VPS13B: variants seen among roughly 807,000 people sequenced by gnomAD.
VPS13B encodes vacuolar protein sorting 13 homolog B, also known as intermembrane lipid transfer protein VPS13B.
In VPS13B, 285 loss-of-function variants were observed where a neutral mutation model predicts 426.4. That is an observed-to-expected ratio of 0.67 (90% CI 0.61 to 0.74). The LOEUF (loss-of-function observed/expected upper bound fraction) is 0.74. VPS13B is among the 30% of genes least tolerant of loss of function. The pLI, the probability that VPS13B is intolerant of heterozygous loss-of-function variation, is 0.00. For missense variants in VPS13B, 4,537 were observed against 4,782.6 expected (o/e 0.95, Z 1.51); for synonymous variants, 1,676 against 1,676.4 (o/e 1.00, Z 0.01).
At chr8:99,831,057 C>T (rs1045998538) in intron 51 of VPS13B, among the ~76,000 whole-genome samples, 9 of 131,322 alleles carry the variant, frequency 6.9e-5, no homozygotes, top group Admixed American at 3.3e-4. Context: ...CCATCTTGCC[C>T]GGGAATTGGT....
At chr8:99,017,660 CT>C (rs774278176) in intron 2 of VPS13B, among the ~76,000 whole-genome samples, 6 of 151,642 alleles carry the variant, frequency 4.0e-5, no homozygotes, top group Non-Finnish European at 8.8e-5. Flanking sequence ...GCCTGGCTAA[CT>C]TTTGTATTTT....
intron 37 of VPS13B, among the ~76,000 whole-genome samples, chr8:99,717,708 A>C (rs879543228): frequency 4.6e-5 from 7 of 152,158 alleles, no homozygotes; most frequent in Admixed American, 4.6e-4. Context: ...CAGGCCTAGG[A>C]AACCACTAAT....
At chr8:99,045,139 A>G (rs915670619) in intron 3 of VPS13B, among the ~76,000 whole-genome samples, 3 of 152,122 alleles carry the variant, frequency 2.0e-5, no homozygotes, top group Admixed American at 6.5e-5. Flanking sequence ...ACCATTTTCT[A>G]TAGTGGTTGT....
chr8:99,541,651 C>T (rs193004458), intron 30 of VPS13B, among the ~76,000 whole-genome samples: 143 of 151,946 alleles, frequency 9.4e-4, no homozygotes, highest in South Asian at 2.3e-3. Flanking sequence ...ACATTCATGC[C>T]GAAAGTAAAT....
chr8:99,161,203 G>A (rs918721696), intron 15 of VPS13B, among the ~76,000 whole-genome samples: 2 of 152,092 alleles, frequency 1.3e-5, no homozygotes, highest in African/African-American at 2.4e-5. Context: ...ATACATAGAA[G>A]TGTACAATTT....
intron 19 of VPS13B, among the ~76,000 whole-genome samples, chr8:99,355,391 G>C (rs1486763723): frequency 6.6e-6 from 1 of 152,126 alleles, no homozygotes; most frequent in Admixed American, 6.5e-5. Context: ...AAGAGATCGA[G>C]ACCATCCTGG....
At chr8:99,743,953 A>G (rs1171875190) in intron 39 of VPS13B, among the ~76,000 whole-genome samples, 1 of 152,236 alleles carries the variant, frequency 6.6e-6, no homozygotes, top group Non-Finnish European at 1.5e-5. Context: ...AGCAATGGCA[A>G]CAAAAGCCAA....
At chr8:99,403,248 A>G (rs942044774) in intron 21 of VPS13B, among the ~76,000 whole-genome samples, 1 of 152,086 alleles carries the variant, frequency 6.6e-6, no homozygotes, top group Admixed American at 6.5e-5. Flanking sequence ...TTAATTCTCT[A>G]TGATCAAAGA....
chr8:99,374,744 T>C (rs539594133), intron 19 of VPS13B, among the ~76,000 whole-genome samples: 2 of 152,360 alleles, frequency 1.3e-5, no homozygotes, highest in East Asian at 3.9e-4. Context: ...CTGTATCTTA[T>C]TCTTTTAAAA....
chr8:99,105,092 C>A (rs1220947532), intron 5 of VPS13B, among the ~76,000 whole-genome samples: 1 of 152,130 alleles, frequency 6.6e-6, no homozygotes, highest in Non-Finnish European at 1.5e-5. Context: ...AGTAGCAGAA[C>A]TGGAATAGAG....
In VPS13B at chr8:99,442,442, C is replaced by A. The variant is rs763011957; in HGVS notation, c.3252C>A (p.Ser1084Arg). 1.2e-6 allele frequency: 2 copies of A among 1,613,906 alleles called. No homozygotes were observed. The highest frequency in any genetic ancestry group is 3.3e-5 in the Admixed American group (2 of 60,002). Residue 1084 changes from serine to arginine, a missense_variant, in exon 23 of 62, where the codon AGC (serine) becomes AGA (arginine). Coordinates refer to ENST00000357162, the MANE Select transcript of VPS13B (RefSeq NM_152564.5). ...GTTGTGTGTTTATTCCAAATGATAG[C>A]CTGCCTTCCCCAAGTACAATTGTAT... ...QSCCVFIPND[S>R]LPSPSTIVSG...
intron 3 of VPS13B, among the ~76,000 whole-genome samples, chr8:99,093,441 C>A (rs1188381117): frequency 2.0e-5 from 3 of 151,624 alleles, no homozygotes; most frequent in Non-Finnish European, 4.4e-5. Flanking sequence ...AGTTTAGTTA[C>A]ATATGTATAC....
intron 14 of VPS13B, among the ~76,000 whole-genome samples, chr8:99,152,016 G>C (rs1045943590): frequency 1.3e-5 from 2 of 151,908 alleles, no homozygotes; most frequent in Middle Eastern, 3.2e-3. Context: ...TTGATTTTCT[G>C]TTTTCAATTT....
chr8:99,754,852 A>G (rs960377199), intron 39 of VPS13B, among the ~76,000 whole-genome samples: 5 of 152,206 alleles, frequency 3.3e-5, no homozygotes, highest in Non-Finnish European at 7.3e-5. Context: ...GTTACTAATT[A>G]GGAGCTTTCA....
At chr8:99,403,464 G>T (rs950830007) in intron 21 of VPS13B, among the ~76,000 whole-genome samples, 3 of 150,854 alleles carry the variant, frequency 2.0e-5, no homozygotes, top group Non-Finnish European at 2.9e-5. Context: ...CAGGAGAATC[G>T]CTCGAACCCG....
intron 39 of VPS13B, among the ~76,000 whole-genome samples, chr8:99,765,039 A>T (rs995867354): frequency 6.6e-6 from 1 of 152,090 alleles, no homozygotes; most frequent in South Asian, 2.1e-4. Flanking sequence ...TGAGGTCAGG[A>T]GTTCGAGACC....
At chr8:99,684,063 T>C (rs1831269507) in intron 35 of VPS13B, among the ~76,000 whole-genome samples, 1 of 152,206 alleles carries the variant, frequency 6.6e-6, no homozygotes. Context: ...TTCAAAAATG[T>C]TTTCTGCATC....
intron 3 of VPS13B, among the ~76,000 whole-genome samples, chr8:99,051,971 C>T (rs1187132523): frequency 1.3e-5 from 2 of 152,216 alleles, no homozygotes; most frequent in East Asian, 1.9e-4. Flanking sequence ...TCATGTCATC[C>T]ACAAACAGGG....
intron 19 of VPS13B, among the ~76,000 whole-genome samples, chr8:99,306,879 A>T (rs1402540870): frequency 6.6e-6 from 1 of 152,148 alleles, no homozygotes; most frequent in African/African-American, 2.4e-5. Flanking sequence ...ATTAACTGAC[A>T]GTTTATTGAC....
Sources: gnomAD v4.1 joint callset for allele counts (sites outside exome capture counted in the v4.1 genomes callset) on GRCh38, gnomAD v4.1.1 for gene constraint, MANE v1.5 for transcripts, NCBI Gene and HGNC (gene_info 2026-07-23, HGNC 2026-07-21) for gene names.